ANKS1B: variants seen among roughly 807,000 people sequenced by gnomAD.
ANKS1B encodes the protein ankyrin repeat and sterile alpha motif domain containing 1B.
ANKS1B carries 36 observed loss-of-function variants against 148.3 expected under a neutral mutation model. The ratio of observed to expected loss-of-function variants is 0.24; its 90% CI spans 0.19 to 0.32. The LOEUF (loss-of-function observed/expected upper bound fraction) is 0.32, where lower values mean the gene tolerates loss of function less well. Among genes scored for constraint, ANKS1B ranks in the 10% least tolerant of loss-of-function variants. The probability of loss-of-function intolerance (pLI) is 1.00; values close to 1 mark genes in which losing one functional copy is unlikely to be tolerated. For synonymous variants in ANKS1B, 542 were observed against 560.8 expected (o/e 0.97, Z 0.47); for missense variants, 1,157 against 1,542.6 (o/e 0.75, Z 4.19).
chr12:98,829,060 G>T lies in ANKS1B; in HGVS notation c.3066+114C>A. ...GGAATGAAAGGCGGGGCATAACATG[G>T]TATAAATTCTAGTTAGGCACGGACA... On this transcript the variant is annotated intron_variant, in intron 19 of 26. Transcript: ENST00000683438. The surrounding 1 kb of genome is among the most constrained non-coding windows in gnomAD (Gnocchi z 5.2). 2 of 1,196,980 alleles carry T rather than the reference G, an allele frequency of 1.7e-6. No individual in the cohort carries two copies. The highest frequency in any genetic ancestry group is 2.4e-6 in the Non-Finnish European group (2 of 824,566). 74.1% of individuals were successfully genotyped at this position (1,196,980 alleles called of 1,614,324 possible).
At chr12:99,915,374 G>C (rs1394468721) in intron 1 of ANKS1B, among the ~76,000 whole-genome samples, 5 of 152,196 alleles carry the variant, frequency 3.3e-5, no homozygotes, top group African/African-American at 1.2e-4. Context: ...TAAGGACGTG[G>C]ATGTTGAGGG....
chr12:99,486,121 T>C (rs2096485359), intron 10 of ANKS1B, among the ~76,000 whole-genome samples: 1 of 152,174 alleles, frequency 6.6e-6, no homozygotes, highest in South Asian at 2.1e-4. Flanking sequence ...ATTACCAGAG[T>C]TACCTTTCTG....
intron 24 of ANKS1B, among the ~76,000 whole-genome samples, chr12:98,777,800 T>A (rs2098694955): frequency 6.6e-6 from 1 of 152,238 alleles, no homozygotes; most frequent in Non-Finnish European, 1.5e-5. Flanking sequence ...CCCATTTATT[T>A]ATTATAATCA....
intron 15 of ANKS1B, among the ~76,000 whole-genome samples, chr12:99,095,114 C>T (rs1021652100): frequency 2.0e-5 from 3 of 152,034 alleles, no homozygotes; most frequent in Non-Finnish European, 2.9e-5. Flanking sequence ...TCAGAATAGT[C>T]TTTGATAAAG....
chr12:99,896,196 A>C (rs983418208), intron 1 of ANKS1B, among the ~76,000 whole-genome samples: 2 of 151,078 alleles, frequency 1.3e-5, no homozygotes, highest in African/African-American at 4.8e-5. Context: ...CGTGTCCTAC[A>C]TAACTGAAAT....
intron 2 of ANKS1B, among the ~76,000 whole-genome samples, chr12:99,824,654 C>T (rs907923627): frequency 1.5e-4 from 23 of 151,994 alleles, no homozygotes; most frequent in African/African-American, 5.6e-4. Context: ...ATTTGGAGGA[C>T]TCATCACACT....
intron 8 of ANKS1B, among the ~76,000 whole-genome samples, chr12:99,691,575 T>C (rs1201028807): frequency 6.6e-6 from 1 of 152,180 alleles, no homozygotes; most frequent in African/African-American, 2.4e-5. Flanking sequence ...TGACCTTTAC[T>C]CTAGTTCTCA....
intron 11 of ANKS1B, among the ~76,000 whole-genome samples, chr12:99,442,349 A>G (rs2095562569): frequency 1.3e-5 from 2 of 151,874 alleles, no homozygotes; most frequent in East Asian, 3.9e-4. Context: ...ATTTTTGAAA[A>G]CATTTTTCTT....
At chr12:99,883,387 TA>T (rs2092642433) in intron 1 of ANKS1B, among the ~76,000 whole-genome samples, 1 of 152,134 alleles carries the variant, frequency 6.6e-6, no homozygotes. Flanking sequence ...GAACTTATCT[TA>T]AAAGAGAACA....
In ANKS1B at chr12:99,891,088, G is replaced by A. The variant is rs562975451; in HGVS notation, c.135-65699C>T. Among the ~76,000 whole-genome samples, 4 of 152,296 alleles carry A rather than the reference G, an allele frequency of 2.6e-5. No homozygotes were observed. In the East Asian group the frequency reaches 7.7e-4, roughly 29 times the overall value. ...TTTAAAGAAGCATAATGTTTTTGAA[G>A]TTTATTCATTTTGTAGCGTGCATCA... is the stretch of plus-strand genomic sequence containing the variant. On this transcript the variant is annotated intron_variant, in intron 1 of 26. Coordinates refer to ENST00000683438, the MANE Select transcript of ANKS1B (RefSeq NM_001352186.2).
intron 9 of ANKS1B, among the ~76,000 whole-genome samples, chr12:99,588,103 C>A (rs142429598): frequency 2.6e-5 from 4 of 150,972 alleles, no homozygotes; most frequent in African/African-American, 4.9e-5. Flanking sequence ...AAAGTTAATA[C>A]AGAAGAACAA....
chr12:99,288,989 T>C (rs1429320253), intron 12 of ANKS1B, among the ~76,000 whole-genome samples: 1 of 151,946 alleles, frequency 6.6e-6, no homozygotes, highest in Non-Finnish European at 1.5e-5. Flanking sequence ...GCAAGACCCA[T>C]TGATCCGCTA....
intron 1 of ANKS1B, among the ~76,000 whole-genome samples, chr12:99,846,012 C>G (rs140824667): frequency 0.011 from 1,683 of 152,170 alleles, 41 homozygotes; most frequent in African/African-American, 0.038. Flanking sequence ...TTGCTCTTTA[C>G]CTTGAATTAT....
intron 8 of ANKS1B, among the ~76,000 whole-genome samples, chr12:99,769,749 C>G (rs1288651235): frequency 6.6e-6 from 1 of 152,190 alleles, no homozygotes; most frequent in Admixed American, 6.5e-5. Flanking sequence ...TCAGTTAATA[C>G]AAGTAAAGTG....
intron 12 of ANKS1B, among the ~76,000 whole-genome samples, chr12:99,361,672 T>TAGACAA (rs1336367629): frequency 2.0e-5 from 3 of 152,082 alleles, no homozygotes; most frequent in Non-Finnish European, 4.4e-5. Context: ...CAGTGAATCT[T>TAGACAA]GTCTGTTTCT....
At chr12:99,164,436 C>T (rs375204041) in intron 14 of ANKS1B, among the ~76,000 whole-genome samples, 1 of 151,640 alleles carries the variant, frequency 6.6e-6, no homozygotes, top group Admixed American at 6.6e-5. Context: ...TTTTCCTTTT[C>T]TTCATTTTTG....
intron 10 of ANKS1B, among the ~76,000 whole-genome samples, chr12:99,494,111 C>T (rs547470893): frequency 1.9e-4 from 29 of 152,066 alleles, no homozygotes; most frequent in Non-Finnish European, 3.5e-4. Flanking sequence ...GAAAGGGTCT[C>T]CAGATGGAGG....
chr12:99,000,608 TAAG>T (rs1236272427), intron 17 of ANKS1B, among the ~76,000 whole-genome samples: 1 of 152,188 alleles, frequency 6.6e-6, no homozygotes, highest in Non-Finnish European at 1.5e-5. Flanking sequence ...TATGCTGTGA[TAAG>T]AACACAACAT....
intron 1 of ANKS1B, among the ~76,000 whole-genome samples, chr12:99,826,660 G>A (rs1045907835): frequency 1.3e-5 from 2 of 152,070 alleles, no homozygotes; most frequent in African/African-American, 2.4e-5. Flanking sequence ...GTTTGCAGAC[G>A]TTAAATCTTA....
Sources: gnomAD v4.1 joint callset for allele counts (sites outside exome capture counted in the v4.1 genomes callset) on GRCh38, gnomAD v4.1.1 for gene constraint, Gnocchi (gnomAD v3.1) non-coding constraint, MANE v1.5 for transcripts, NCBI Gene and HGNC (gene_info 2026-07-23, HGNC 2026-07-21) for gene names.